ATL1: variants seen among roughly 807,000 people sequenced by gnomAD.
The protein encoded by ATL1 is atlastin-1.
Under a neutral mutation model 75.5 loss-of-function variants are expected in ATL1, and 31 were observed. The observed-to-expected ratio is 0.41, with a 90% confidence interval of 0.31 to 0.55. ATL1 has a LOEUF of 0.55. ATL1 is among the 20% of genes least tolerant of loss of function. The pLI is 0.27. For synonymous variants in ATL1, 226 were observed against 233.3 expected, an observed-to-expected ratio of 0.97 and a Z score of 0.28; for missense variants, 405 against 662.6, an observed-to-expected ratio of 0.61 and a Z score of 4.27.
At chr14:50,630,734 C>CAAATGTAA (rs2039571595) in intron 13 of ATL1, among the ~76,000 whole-genome samples, 1 of 152,100 alleles carries the variant, frequency 6.6e-6, no homozygotes, top group East Asian at 1.9e-4. Flanking sequence ...AATCAAATAC[C>CAAATGTAA]ATTTACTATT....
intron 1 of ATL1, among the ~76,000 whole-genome samples, chr14:50,563,796 A>G (rs1485231703): frequency 6.6e-6 from 1 of 152,238 alleles, no homozygotes; most frequent in Non-Finnish European, 1.5e-5. Flanking sequence ...GCATCCTACC[A>G]TCTGTACCTA....
At chr14:50,574,937 G>GTATATA (rs71118894) in intron 1 of ATL1, among the ~76,000 whole-genome samples, 250 of 23,136 alleles carry the variant, frequency 0.011, 4 homozygotes, top group Non-Finnish European at 0.015. Context: ...GTGTGTGTGT[G>GTATATA]TATATATATA....
chr14:50,602,138 T>G (rs1328559206), intron 6 of ATL1, among the ~76,000 whole-genome samples: 1 of 152,194 alleles, frequency 6.6e-6, no homozygotes, highest in East Asian at 1.9e-4. Flanking sequence ...AAATGCAGGC[T>G]GCTTATCAAC....
chr14:50,573,624 A>G (rs941878299), intron 1 of ATL1, among the ~76,000 whole-genome samples: 5 of 152,176 alleles, frequency 3.3e-5, no homozygotes, highest in African/African-American at 1.2e-4. Context: ...TGCGGTATGC[A>G]ATATATGTCC....
intron 9 of ATL1, 40 bp downstream of exon 9, chr14:50,620,766 G>T (rs2039460341): frequency 1.9e-6 from 3 of 1,608,634 alleles, no homozygotes; most frequent in East Asian, 2.2e-5. Flanking sequence ...GGATAGATTT[G>T]ACATATATTG....
chr14:50,602,354 T>C (rs2039279418), intron 6 of ATL1, among the ~76,000 whole-genome samples: 1 of 152,184 alleles, frequency 6.6e-6, no homozygotes. Flanking sequence ...AAGCTTGTTA[T>C]GGGGTCTATG....
chr14:50,566,304 A>T (rs1292533912), intron 1 of ATL1, among the ~76,000 whole-genome samples: 1 of 152,106 alleles, frequency 6.6e-6, no homozygotes, highest in Non-Finnish European at 1.5e-5. Flanking sequence ...GGCCAGGACA[A>T]CCTGTTCTTA....
Position 50,632,402 on chromosome 14 carries a change from C to A in ATL1, c.*63C>A. Reference sequence around the variant, plus strand: ...CAATTAAATATTCAGTTTTATGTCTCCATGCAAACATTCAAAGTGCTTCCA... The same window carrying A: ...CAATTAAATATTCAGTTTTATGTCTACATGCAAACATTCAAAGTGCTTCCA... On this transcript the variant is annotated 3_prime_UTR_variant, in exon 14 of 14. Coordinates refer to ENST00000358385, the MANE Select transcript of ATL1 (RefSeq NM_015915.5). The A allele has an allele frequency of 8.8e-7, 1 of 1,138,380 alleles. No homozygotes were observed. Among genetic ancestry groups the A allele is most frequent in the East Asian group, 2.5e-5 (1 of 39,994 alleles). 70.5% of individuals were successfully genotyped at this position (1,138,380 alleles called of 1,614,324 possible).
chr14:50,564,633 G>A lies in ATL1; in HGVS notation c.34+4334G>A, dbSNP rs1055245208. ...GCTGCACTCCAGCCTGGGCGACAGAGCAAGATTCCGTCTCAAAAAAAAAAA... is the reference window on the plus strand; with the variant it reads ...GCTGCACTCCAGCCTGGGCGACAGAACAAGATTCCGTCTCAAAAAAAAAAA... On this transcript the variant is annotated intron_variant, in intron 1 of 13. Coordinates refer to ENST00000358385, the MANE Select transcript of ATL1 (RefSeq NM_015915.5). 3.3e-5 allele frequency among the ~76,000 whole-genome samples: 3 copies of A among 92,282 alleles called. No individual in the cohort carries two copies. In the Admixed American group the frequency reaches 5.4e-4, roughly 17 times the overall value. The allele number at this position is 92,282 out of a possible 152,430, so 60.5% of individuals were successfully genotyped here.
At chr14:50,602,341 A>T (rs1390014357) in intron 6 of ATL1, among the ~76,000 whole-genome samples, 1 of 152,176 alleles carries the variant, frequency 6.6e-6, no homozygotes, top group African/African-American at 2.4e-5. Flanking sequence ...TGCTAACAAC[A>T]GTAAGCTTGT....
chr14:50,589,020 A>C (rs762579811), intron 2 of ATL1, among the ~76,000 whole-genome samples: 2 of 152,202 alleles, frequency 1.3e-5, no homozygotes, highest in Non-Finnish European at 2.9e-5. Flanking sequence ...GTGGATACCA[A>C]AGAAAACATA....
chr14:50,559,967 G>A (rs1336621467), upstream of ATL1: 2 of 480,108 alleles, frequency 4.2e-6, no homozygotes, highest in Admixed American at 6.7e-5. Flanking sequence ...GTTTTCCGTT[G>A]AAAATGTTGC....
chr14:50,624,483 T>C (rs950936442), intron 11 of ATL1, among the ~76,000 whole-genome samples: 31 of 152,170 alleles, frequency 2.0e-4, no homozygotes, highest in African/African-American at 7.5e-4. Flanking sequence ...TCGATAAATG[T>C]GTTTTCTGAC....
chr14:50,620,818 T>G (rs1174032141), intron 9 of ATL1, 92 bp downstream of exon 9: 1 of 1,452,048 alleles, frequency 6.9e-7, no homozygotes. Context: ...CCCGATAATA[T>G]GGGAGCAAAG....
chr14:50,572,467 C>T (rs917195952), intron 1 of ATL1, among the ~76,000 whole-genome samples: 11 of 152,082 alleles, frequency 7.2e-5, no homozygotes, highest in Non-Finnish European at 1.5e-4. Context: ...CTATCCATTT[C>T]ATCAAGCTGG....
At chr14:50,548,432 T>C (rs1387873843) in intron 1 of ATL1, among the ~76,000 whole-genome samples, 1 of 152,162 alleles carries the variant, frequency 6.6e-6, no homozygotes, top group Non-Finnish European at 1.5e-5. Flanking sequence ...TAGAAGTCAC[T>C]AGAGATGCCA....
Position 50,588,030 on chromosome 14 carries a change from A to T in ATL1, c.234A>T (p.Lys78Asn). The T allele has an allele frequency of 3.1e-6, 5 of 1,614,238 alleles. No individual in the cohort carries two copies. The highest frequency in any genetic ancestry group is 4.2e-6 in the Non-Finnish European group (5 of 1,180,042). ...VAVSVAGAFRKGKSFLMDFML... is the reference protein window; with the variant it reads ...VAVSVAGAFRNGKSFLMDFML... ...TATCTGTTGCTGGAGCATTTAGAAA[A>T]GGAAAATCATTCCTGATGGACTTCA... Residue 78 changes from lysine to asparagine, a missense_variant, in exon 2 of 14, where the codon AAA (lysine) becomes AAT (asparagine). Lys to Asn is a moderately conservative substitution (Grantham distance 94). Transcript: ENST00000358385.
intron 1 of ATL1, among the ~76,000 whole-genome samples, chr14:50,562,858 T>G (rs1422144360): frequency 6.6e-6 from 1 of 152,220 alleles, no homozygotes; most frequent in East Asian, 1.9e-4. Flanking sequence ...GCACAGATAT[T>G]AGCCCTGTCA....
chr14:50,589,410 G>A (rs1246438422), intron 2 of ATL1, among the ~76,000 whole-genome samples: 1 of 151,798 alleles, frequency 6.6e-6, no homozygotes, highest in African/African-American at 2.4e-5. Flanking sequence ...CACCTGCCTC[G>A]GCCTCCCAAA....
Sources: allele counts gnomAD v4.1 joint callset (sites outside exome capture counted in the v4.1 genomes callset), GRCh38; gene constraint gnomAD v4.1.1; transcripts MANE v1.5; gene names NCBI Gene and HGNC (gene_info 2026-07-23, HGNC 2026-07-21).